The following ELOVL7 variants were observed in gnomAD, a reference collection of about 807,000 sequenced individuals.
ELOVL7 encodes the protein very long chain fatty acid elongase 7.
Under a neutral mutation model 35.7 loss-of-function variants are expected in ELOVL7, and 27 were observed. The ratio of observed to expected loss-of-function variants is 0.76; its 90% CI spans 0.56 to 1.04. ELOVL7 has a LOEUF of 1.04. Ranked by LOEUF, ELOVL7 falls within the 50% of genes least tolerant of loss-of-function variation. ELOVL7 has a pLI of 0.00. For synonymous variants in ELOVL7, 113 were observed against 114.6 expected, an observed-to-expected ratio of 0.99 and a Z score of 0.09; for missense variants, 327 against 340.8, an observed-to-expected ratio of 0.96 and a Z score of 0.32.
intron 1 of ELOVL7, among the ~76,000 whole-genome samples, chr5:60,819,007 A>G (rs1253101173): frequency 8.8e-6 from 1 of 113,548 alleles, no homozygotes; most frequent in African/African-American, 3.4e-5. Context: ...AGAAAGAAAA[A>G]GAAGAGAAGA....
chr5:60,775,572 C>A (rs1742853277), intron 3 of ELOVL7, among the ~76,000 whole-genome samples: 1 of 152,180 alleles, frequency 6.6e-6, no homozygotes, highest in Non-Finnish European at 1.5e-5. Context: ...TATCTTACTT[C>A]AAACTGTACT....
chr5:60,789,504 A>G (rs750627371), intron 2 of ELOVL7, among the ~76,000 whole-genome samples: 3 of 152,206 alleles, frequency 2.0e-5, no homozygotes, highest in Non-Finnish European at 4.4e-5. Flanking sequence ...CTCTCTCTTC[A>G]TGCATTACTA....
chr5:60,775,370 A>G (rs1419648421), intron 3 of ELOVL7, among the ~76,000 whole-genome samples: 1 of 152,242 alleles, frequency 6.6e-6, no homozygotes, highest in Non-Finnish European at 1.5e-5. Context: ...CTCATGGATT[A>G]GAAAAATCAA....
At chr5:60,795,185 G>A (rs1744174146) in intron 2 of ELOVL7, among the ~76,000 whole-genome samples, 1 of 152,162 alleles carries the variant, frequency 6.6e-6, no homozygotes, top group East Asian at 1.9e-4. Context: ...GAATGGGGCA[G>A]TGGGATCACA....
At chr5:60,776,711 C>T (rs578105184) in intron 3 of ELOVL7, among the ~76,000 whole-genome samples, 73 of 152,100 alleles carry the variant, frequency 4.8e-4, no homozygotes, top group Middle Eastern at 3.4e-3. Context: ...ACTGAAGAAT[C>T]CAAAATGTGG....
Position 60,754,814 on chromosome 5 carries a change from G to A in ELOVL7, c.656C>T (p.Ala219Val). Residue 219 changes from alanine to valine, a missense_variant, in exon 9 of 9, where the codon GCC becomes GTC. Ala to Val is a moderately conservative substitution (Grantham distance 64). Transcript: ENST00000508821. ...GAAAAAGAACTGGCTTATGTGGATGGCGACAATAACAAACTGGACCTAAGA... is the reference window on the plus strand; with the variant it reads ...GAAAAAGAACTGGCTTATGTGGATGACGACAATAACAAACTGGACCTAAGA... ...SLQLVQFVIV[A>V]IHISQFFFME... The A allele has an allele frequency of 1.9e-6, 3 of 1,614,008 alleles. No individual in the cohort carries two copies. In the East Asian group the frequency reaches 6.7e-5, roughly 36 times the overall value.
At chr5:60,768,911 CAATT>C (rs1312918411) in intron 4 of ELOVL7, among the ~76,000 whole-genome samples, 1 of 152,044 alleles carries the variant, frequency 6.6e-6, no homozygotes, top group Non-Finnish European at 1.5e-5. Context: ...TAGAACTTTA[CAATT>C]AATTAAATTC....
At chr5:60,836,459 C>A (rs937755078) in intron 1 of ELOVL7, among the ~76,000 whole-genome samples, 3 of 151,944 alleles carry the variant, frequency 2.0e-5, no homozygotes, top group Admixed American at 6.6e-5. Flanking sequence ...TGATAAGCAG[C>A]AAAGGGATTA....
At chr5:60,840,005 G>GA (rs1747070220) in intron 1 of ELOVL7, among the ~76,000 whole-genome samples, 1 of 152,024 alleles carries the variant, frequency 6.6e-6, no homozygotes, top group Non-Finnish European at 1.5e-5. Flanking sequence ...GTCTCGGGGG[G>GA]AGAAAAGAGC....
chr5:60,812,601 C>G (rs771379345), intron 1 of ELOVL7, among the ~76,000 whole-genome samples: 7 of 152,210 alleles, frequency 4.6e-5, no homozygotes, highest in Non-Finnish European at 1.0e-4. Context: ...CACAGCATCT[C>G]TAAAGGTATT....
At chr5:60,802,111 TATATATACACAC>T (rs1561454124) in intron 1 of ELOVL7, among the ~76,000 whole-genome samples, 5 of 6,678 alleles carry the variant, frequency 7.5e-4, no homozygotes, top group South Asian at 4.5e-3. Flanking sequence ...TATATATATA[TATATATACACAC>T]ACACACACAC....
chr5:60,801,822 C>T (rs1350704987), intron 1 of ELOVL7, among the ~76,000 whole-genome samples: 2 of 152,030 alleles, frequency 1.3e-5, no homozygotes, highest in Non-Finnish European at 2.9e-5. Flanking sequence ...TCTCCTCCTG[C>T]CCTTGAATGT....
At chr5:60,774,911 G>A (rs1324220685) in intron 3 of ELOVL7, among the ~76,000 whole-genome samples, 3 of 151,828 alleles carry the variant, frequency 2.0e-5, no homozygotes, top group African/African-American at 7.3e-5. Context: ...GATTACAGGT[G>A]CCCGCCACCA....
chr5:60,759,992 T>C (rs1283604315), intron 7 of ELOVL7, among the ~76,000 whole-genome samples: 3 of 152,248 alleles, frequency 2.0e-5, no homozygotes, highest in Non-Finnish European at 4.4e-5. Flanking sequence ...GGCTGCATAG[T>C]ATTCCATGGT....
intron 2 of ELOVL7, among the ~76,000 whole-genome samples, chr5:60,791,781 T>C (rs1042344908): frequency 1.3e-5 from 2 of 152,226 alleles, no homozygotes; most frequent in Non-Finnish European, 2.9e-5. Flanking sequence ...CCTTGACCCA[T>C]TATTCTCAAA....
At chr5:60,811,984 G>A (rs1745262183) in intron 1 of ELOVL7, among the ~76,000 whole-genome samples, 1 of 152,166 alleles carries the variant, frequency 6.6e-6, no homozygotes, top group Admixed American at 6.6e-5. Flanking sequence ...AGGAGGCCAA[G>A]GCAGGAGGAT....
At chr5:60,768,807 G>A (rs1579789231) in intron 4 of ELOVL7, 4 of 318,736 alleles carry the variant, frequency 1.3e-5, no homozygotes, top group East Asian at 8.6e-5. Flanking sequence ...AATACCCCCT[G>A]GGAGATCTTC....
intron 7 of ELOVL7, among the ~76,000 whole-genome samples, chr5:60,758,120 A>G (rs1359158441): frequency 6.6e-6 from 1 of 152,168 alleles, no homozygotes; most frequent in East Asian, 1.9e-4. Context: ...GCTCCTTCCA[A>G]GAATATACCC....
intron 8 of ELOVL7, among the ~76,000 whole-genome samples, chr5:60,756,421 G>A (rs557838570): frequency 6.8e-4 from 103 of 152,168 alleles, no homozygotes; most frequent in Middle Eastern, 3.4e-3. Flanking sequence ...TCACGTATTT[G>A]CAATGAGCAT....
Sources: gnomAD v4.1 joint callset for allele counts (sites outside exome capture counted in the v4.1 genomes callset) on GRCh38, gnomAD v4.1.1 for gene constraint, MANE v1.5 for transcripts, NCBI Gene and HGNC (gene_info 2026-07-23, HGNC 2026-07-21) for gene names.